Variants in GLG1 observed in about 807,000 individuals in gnomAD.
GLG1 encodes the protein Golgi apparatus protein 1.
GLG1 carries 38 observed loss-of-function variants against 160.5 expected under a neutral mutation model. The observed-to-expected ratio is 0.24, with a 90% CI of 0.18 to 0.31. GLG1 has a LOEUF of 0.31. Ranked by LOEUF, GLG1 falls within the 10% of genes least tolerant of loss-of-function variation. GLG1 has a pLI of 1.00. For missense variants in GLG1, 1,373 were observed against 1,505.2 expected, an observed-to-expected ratio of 0.91 and a Z score of 1.45; for synonymous variants, 644 against 543.4, an observed-to-expected ratio of 1.19 and a Z score of -2.57.
chr16:74,456,519 A>G (rs2014547207), intron 25 of GLG1, 130 bp downstream of exon 25: 6 of 688,546 alleles, frequency 8.7e-6, no homozygotes, highest in South Asian at 6.4e-5. Flanking sequence ...GACCAGTGCG[A>G]TATCTAAAAG....
At chr16:74,582,048 A>C (rs994860977) in intron 1 of GLG1, among the ~76,000 whole-genome samples, 1 of 152,112 alleles carries the variant, frequency 6.6e-6, no homozygotes. Flanking sequence ...CAGCATTTCC[A>C]ATCTCTCACC....
intron 2 of GLG1, among the ~76,000 whole-genome samples, chr16:74,529,273 A>G (rs2017449737): frequency 6.6e-6 from 1 of 152,034 alleles, no homozygotes; most frequent in Non-Finnish European, 1.5e-5. Flanking sequence ...CTGGCCATGA[A>G]TCTGTTTTTA....
intron 22 of GLG1, among the ~76,000 whole-genome samples, chr16:74,460,952 G>A (rs1244305631): frequency 6.6e-6 from 1 of 152,184 alleles, no homozygotes; most frequent in Non-Finnish European, 1.5e-5. Flanking sequence ...GCACACACAC[G>A]CACACATACA....
At chr16:74,593,686 C>A (rs56283458) in intron 1 of GLG1, among the ~76,000 whole-genome samples, 1 of 151,884 alleles carries the variant, frequency 6.6e-6, no homozygotes, top group Admixed American at 6.6e-5. Context: ...CTGCCCGCCT[C>A]GGCCTCGCAA....
At chr16:74,525,196 A>G (rs948321522) in intron 2 of GLG1, among the ~76,000 whole-genome samples, 1 of 152,126 alleles carries the variant, frequency 6.6e-6, no homozygotes, top group African/African-American at 2.4e-5. Context: ...TAGTAACTCT[A>G]TTTAACTTTC....
chr16:74,510,137 T>C (rs1180186361), intron 2 of GLG1, among the ~76,000 whole-genome samples: 2 of 151,720 alleles, frequency 1.3e-5, no homozygotes, highest in Non-Finnish European at 2.9e-5. Context: ...GTTCAAGCAA[T>C]TCTCCTGCCT....
intron 21 of GLG1, 72 bp from the exon 22 acceptor site, chr16:74,462,267 A>T: frequency 1.2e-6 from 1 of 864,880 alleles, no homozygotes. Context: ...AGGACATGAA[A>T]AAAAAAACAA....
chr16:74,531,021 A>G (rs947550571), intron 2 of GLG1, among the ~76,000 whole-genome samples: 3 of 152,156 alleles, frequency 2.0e-5, no homozygotes, highest in African/African-American at 4.8e-5. Flanking sequence ...TTTACAAAAC[A>G]TTTTTTGGGG....
intron 9 of GLG1, among the ~76,000 whole-genome samples, chr16:74,484,326 T>G (rs1017342609): frequency 2.0e-5 from 3 of 152,062 alleles, no homozygotes; most frequent in African/African-American, 7.2e-5. Flanking sequence ...GCAACTGTTT[T>G]TTTTTGTTTT....
intron 9 of GLG1, among the ~76,000 whole-genome samples, chr16:74,485,205 C>T (rs2015748154): frequency 6.6e-6 from 1 of 152,128 alleles, no homozygotes; most frequent in Admixed American, 6.5e-5. Flanking sequence ...CTGCATCCGG[C>T]CATGGTTTAA....
chr16:74,456,447 A>C lies in GLG1; in HGVS notation c.3372+202T>G, dbSNP rs1485287666. The C allele has an allele frequency of 1.7e-5, 9 of 534,300 alleles. 1 individual carries two copies. In the South Asian group the frequency reaches 2.0e-4, roughly 12 times the overall value. 33.1% of individuals were successfully genotyped at this position (534,300 alleles called of 1,614,324 possible). A position where few individuals can be genotyped will look rare whatever the true frequency, so the allele number is the denominator to read the frequency against. On this transcript the variant is annotated intron_variant, in intron 25 of 25. Coordinates refer to ENST00000422840, the MANE Select transcript of GLG1 (RefSeq NM_001145667.2). ...AACGCTGAGATTACAGGCGCGAGCC[A>C]CCGCGCCCGGCCCTGACCACGTTTT...
At chr16:74,531,331 T>A (rs868006999) in intron 2 of GLG1, among the ~76,000 whole-genome samples, 2 of 152,114 alleles carry the variant, frequency 1.3e-5, no homozygotes, top group Non-Finnish European at 2.9e-5. Context: ...ATTTATTGAT[T>A]TATTTAAGAC....
chr16:74,456,220 C>T (rs911699071), intron 25 of GLG1, among the ~76,000 whole-genome samples: 2 of 152,288 alleles, frequency 1.3e-5, no homozygotes, highest in Non-Finnish European at 2.9e-5. Flanking sequence ...GAACAGTGGG[C>T]GAAATGAGAA....
chr16:74,477,848 C>T (rs536476702), intron 11 of GLG1, among the ~76,000 whole-genome samples: 1 of 152,012 alleles, frequency 6.6e-6, no homozygotes, highest in Admixed American at 6.6e-5. Flanking sequence ...TGGCACATGC[C>T]TGTAATCCTA....
chr16:74,519,862 T>C (rs2017103430), intron 2 of GLG1, among the ~76,000 whole-genome samples: 1 of 152,200 alleles, frequency 6.6e-6, no homozygotes, highest in Admixed American at 6.5e-5. Flanking sequence ...AGATGAGGAA[T>C]GAATTCTCAT....
intron 1 of GLG1, among the ~76,000 whole-genome samples, chr16:74,569,353 G>C (rs1473741892): frequency 6.6e-6 from 1 of 152,164 alleles, no homozygotes; most frequent in Non-Finnish European, 1.5e-5. Flanking sequence ...AACTTTAATA[G>C]ACATTTAAAC....
chr16:74,503,773 CAA>C (rs780761360), intron 3 of GLG1, 27 bp from the exon 4 acceptor site: 1 of 1,409,648 alleles, frequency 7.1e-7, no homozygotes, highest in East Asian at 2.3e-5. Flanking sequence ...AGCTGTTTTA[CAA>C]AAGTGTTCCA....
chr16:74,585,639 C>T (rs1016111950), intron 1 of GLG1, among the ~76,000 whole-genome samples: 1 of 143,336 alleles, frequency 7.0e-6, no homozygotes, highest in Non-Finnish European at 1.5e-5. Context: ...ACTCAGGAGG[C>T]AGAGCTTGCA....
At chr16:74,461,920 C>A in intron 22 of GLG1, 174 bp downstream of exon 22, 1 of 546,492 alleles carries the variant, frequency 1.8e-6, no homozygotes, top group Non-Finnish European at 3.2e-6. Flanking sequence ...GGACTAATGC[C>A]AAGTTGAATT....
Sources: gnomAD v4.1 joint callset for allele counts (sites outside exome capture counted in the v4.1 genomes callset) on GRCh38, gnomAD v4.1.1 for gene constraint, MANE v1.5 for transcripts, NCBI Gene and HGNC (gene_info 2026-07-23, HGNC 2026-07-21) for gene names.